Variants in KIF13A observed in about 807,000 individuals in gnomAD.
The protein encoded by KIF13A is kinesin-like protein KIF13A.
KIF13A carries 79 observed loss-of-function variants against 212.2 expected under a neutral mutation model. The observed-to-expected ratio is 0.37, with a 90% confidence interval of 0.31 to 0.45. The LOEUF is 0.45. Ranked by LOEUF, KIF13A falls within the 20% of genes least tolerant of loss-of-function variation. The pLI is 1.00. For synonymous variants in KIF13A, 789 were observed against 808.6 expected (o/e 0.98, Z 0.41); for missense variants, 1,901 against 2,209.0 (o/e 0.86, Z 2.79).
intron 2 of KIF13A, among the ~76,000 whole-genome samples, chr6:17,938,498 A>T (rs1427364457): frequency 6.6e-6 from 1 of 152,226 alleles, no homozygotes; most frequent in Non-Finnish European, 1.5e-5. Flanking sequence ...TACCCTCTCC[A>T]GTTGCCCAGT....
intron 2 of KIF13A, among the ~76,000 whole-genome samples, chr6:17,933,662 A>G (rs1365904787): frequency 1.3e-5 from 2 of 152,136 alleles, no homozygotes; most frequent in African/African-American, 4.8e-5. Context: ...ATTTCCTGAC[A>G]CGGGAAAAAT....
intron 13 of KIF13A, 114 bp downstream of exon 13, chr6:17,830,987 A>G: frequency 1.1e-6 from 1 of 924,812 alleles, no homozygotes; most frequent in Admixed American, 2.7e-5. Context: ...TCTTAGTTTT[A>G]CTGAGGGCTA....
intron 2 of KIF13A, among the ~76,000 whole-genome samples, chr6:17,903,445 T>A (rs928994093): frequency 2.6e-5 from 4 of 152,110 alleles, no homozygotes; most frequent in African/African-American, 9.7e-5. Flanking sequence ...CTCAATAATC[T>A]CAGGTATTGA....
intron 2 of KIF13A, among the ~76,000 whole-genome samples, chr6:17,924,782 T>C (rs1253668639): frequency 6.6e-6 from 1 of 152,234 alleles, no homozygotes; most frequent in Non-Finnish European, 1.5e-5. Context: ...CTTCCAGATG[T>C]AGATGGAAAC....
At position 17,900,045 on chromosome 6, in the gene KIF13A, T is replaced by A. The variant is rs555131395; in HGVS notation, c.147-1865A>T. On this transcript the variant is annotated intron_variant, in intron 2 of 38. Coordinates refer to ENST00000259711, the MANE Select transcript of KIF13A (RefSeq NM_022113.6). This position sits in a 1 kb window ranked among gnomAD's most constrained non-coding sequence, Gnocchi z 4.6. ...ATTCTTTAAAAGCCATGAAAATCAC[T>A]GCTTTATTTAAAAGAGGAAAGAAAA... 1.3e-5 allele frequency among the ~76,000 whole-genome samples: 2 copies of A among 152,362 alleles called. No homozygotes were observed. The highest frequency in any genetic ancestry group is 3.9e-4 in the East Asian group (2 of 5,184).
At chr6:17,877,792 T>C (rs1166511592) in intron 3 of KIF13A, among the ~76,000 whole-genome samples, 1 of 152,082 alleles carries the variant, frequency 6.6e-6, no homozygotes, top group Non-Finnish European at 1.5e-5. Context: ...AAAAAAATCC[T>C]CCCACCAAGA....
At chr6:17,823,652 G>A (rs1410511235) in intron 16 of KIF13A, among the ~76,000 whole-genome samples, 1 of 150,592 alleles carries the variant, frequency 6.6e-6, no homozygotes, top group East Asian at 2.0e-4. Context: ...ATTTTTAGTA[G>A]AGACAGGGTT....
intron 2 of KIF13A, among the ~76,000 whole-genome samples, chr6:17,943,356 G>T (rs900424633): frequency 3.3e-4 from 49 of 150,190 alleles, no homozygotes; most frequent in African/African-American, 1.1e-3. Context: ...ATTCTCCAAT[G>T]TTAGTAAGCT....
At chr6:17,921,741 T>G (rs1581738416) in intron 2 of KIF13A, among the ~76,000 whole-genome samples, 1 of 152,136 alleles carries the variant, frequency 6.6e-6, no homozygotes, top group Non-Finnish European at 1.5e-5. Flanking sequence ...AAACTCTTGG[T>G]GTCGTCCTGT....
At chr6:17,978,092 A>G (rs1178097512) in intron 2 of KIF13A, among the ~76,000 whole-genome samples, 1 of 152,238 alleles carries the variant, frequency 6.6e-6, no homozygotes, top group Non-Finnish European at 1.5e-5. Flanking sequence ...ACTGGATTCA[A>G]TCAAATGAGG....
chr6:17,946,990 G>C (rs1777459980), intron 2 of KIF13A, among the ~76,000 whole-genome samples: 1 of 152,132 alleles, frequency 6.6e-6, no homozygotes, highest in Non-Finnish European at 1.5e-5. Context: ...TAAAATGGGT[G>C]AATTTTTATT....
intron 12 of KIF13A, among the ~76,000 whole-genome samples, 187 bp from the exon 13 acceptor site, chr6:17,831,422 C>T (rs1016885627): frequency 6.6e-6 from 1 of 151,618 alleles, no homozygotes; most frequent in Non-Finnish European, 1.5e-5. Flanking sequence ...GATAGGGGCA[C>T]CAAGGATGAA....
At chr6:17,893,932 C>T (rs1425681909) in intron 3 of KIF13A, among the ~76,000 whole-genome samples, 17 of 147,236 alleles carry the variant, frequency 1.2e-4, no homozygotes, top group African/African-American at 3.8e-4. Context: ...CTCTGCTTCC[C>T]GGGTTCAAGT....
intron 6 of KIF13A, among the ~76,000 whole-genome samples, chr6:17,854,136 G>C (rs186549537): frequency 1.3e-5 from 2 of 152,248 alleles, no homozygotes; most frequent in Admixed American, 1.3e-4. Context: ...GCACCAAAGT[G>C]TAACAGTGGT....
chr6:17,807,792 T>G (rs1763093379), intron 18 of KIF13A, among the ~76,000 whole-genome samples: 1 of 151,740 alleles, frequency 6.6e-6, no homozygotes, highest in Non-Finnish European at 1.5e-5. Flanking sequence ...CGATATGTGA[T>G]GTCACCCCCG....
Position 17,897,940 on chromosome 6 carries a change from C to T in KIF13A, c.159+228G>A, listed in dbSNP as rs1772709229. ...CCTGACAGGTTTGCTTTGAAGATTACAGCATTCATTCTGAGAATGAAATAA... is the reference window on the plus strand; with the variant it reads ...CCTGACAGGTTTGCTTTGAAGATTATAGCATTCATTCTGAGAATGAAATAA... On this transcript the variant is annotated intron_variant, in intron 3 of 38. Coordinates refer to ENST00000259711, the MANE Select transcript of KIF13A (RefSeq NM_022113.6). This position sits in a 1 kb window ranked among gnomAD's most constrained non-coding sequence, Gnocchi z 4.8. 6.6e-6 allele frequency among the ~76,000 whole-genome samples: 1 copy of T among 152,172 alleles called. No homozygotes were observed. The highest frequency in any genetic ancestry group is 1.5e-5 in the Non-Finnish European group (1 of 68,030).
At chr6:17,782,400 G>A (rs1219997505) in intron 29 of KIF13A, among the ~76,000 whole-genome samples, 1 of 152,030 alleles carries the variant, frequency 6.6e-6, no homozygotes, top group Non-Finnish European at 1.5e-5. Flanking sequence ...AACTTTGGGA[G>A]GCCGAGCTGG....
Position 17,895,592 on chromosome 6 carries a change from A to T in KIF13A, c.159+2576T>A, listed in dbSNP as rs1353769461. On this transcript the variant is annotated intron_variant, in intron 3 of 38. Transcript: ENST00000259711. The surrounding 1 kb of genome is among the most constrained non-coding windows in gnomAD (Gnocchi z 4.4). ...ATCCACTTTACCAACCCAAAGTATAAGGAGATTAGCAAGGACTCCACCTCT... is the reference window on the plus strand; with the variant it reads ...ATCCACTTTACCAACCCAAAGTATATGGAGATTAGCAAGGACTCCACCTCT... Among the ~76,000 whole-genome samples, 1 of 152,232 alleles carries T rather than the reference A, an allele frequency of 6.6e-6. No homozygotes were observed. Among genetic ancestry groups the T allele is most frequent in the Non-Finnish European group, 1.5e-5 (1 of 68,038 alleles).
chr6:17,797,458 C>T (rs547392950), intron 22 of KIF13A, among the ~76,000 whole-genome samples: 2 of 152,208 alleles, frequency 1.3e-5, no homozygotes, highest in Non-Finnish European at 2.9e-5. Context: ...CAGGACCACT[C>T]TGATTTTCAG....
Sources: gnomAD v4.1 joint callset for allele counts (sites outside exome capture counted in the v4.1 genomes callset) on GRCh38, gnomAD v4.1.1 for gene constraint, Gnocchi (gnomAD v3.1) non-coding constraint, MANE v1.5 for transcripts, NCBI Gene and HGNC (gene_info 2026-07-23, HGNC 2026-07-21) for gene names.